Variants in DPY19L1 observed in about 807,000 individuals in gnomAD.
The protein encoded by DPY19L1 is protein C-mannosyl-transferase DPY19L1.
Under a neutral mutation model 96.9 loss-of-function variants are expected in DPY19L1, and 35 were observed. That is an observed-to-expected ratio of 0.36 (90% confidence interval 0.28 to 0.48). The LOEUF is 0.48. Among genes scored for constraint, DPY19L1 ranks in the 20% least tolerant of loss-of-function variants. DPY19L1 has a pLI of 0.99. For synonymous variants in DPY19L1, 205 were observed against 252.6 expected, an observed-to-expected ratio of 0.81 and a Z score of 1.79; for missense variants, 521 against 777.9, an observed-to-expected ratio of 0.67 and a Z score of 3.93.
chr7:35,003,487 A>C (rs1263626533), intron 6 of DPY19L1, among the ~76,000 whole-genome samples: 1 of 152,198 alleles, frequency 6.6e-6, no homozygotes, highest in Non-Finnish European at 1.5e-5. Context: ...GCATCAGTTA[A>C]AGACACTTAT....
chr7:34,953,897 C>T (rs1443264323), intron 13 of DPY19L1, among the ~76,000 whole-genome samples: 1 of 152,014 alleles, frequency 6.6e-6, no homozygotes, highest in Admixed American at 6.5e-5. Context: ...AAAAGAGAGG[C>T]TAGGAGACAG....
intron 15 of DPY19L1, among the ~76,000 whole-genome samples, chr7:34,946,542 G>C (rs563389517): frequency 3.9e-4 from 59 of 152,250 alleles, no homozygotes; most frequent in Middle Eastern, 3.4e-3. Context: ...GTTCTGGATG[G>C]CCAATGCTTA....
chr7:34,984,164 C>T lies in DPY19L1; in HGVS notation c.822+5720G>A, dbSNP rs1261295520. Among the ~76,000 whole-genome samples the T allele has an allele frequency of 1.3e-5, 2 of 152,048 alleles. 1 individual carries two copies. The highest frequency in any genetic ancestry group is 6.3e-3 in the Middle Eastern group (2 of 316). On this transcript the variant is annotated intron_variant, in intron 7 of 21. Transcript: ENST00000638088. ...AGACAAAAACTAAGGGACTTATTGG[C>T]AGATCTTTATCACAATGCTAAATAA...
chr7:34,944,381 A>G (rs1584205130), intron 16 of DPY19L1, among the ~76,000 whole-genome samples: 2 of 150,752 alleles, frequency 1.3e-5, no homozygotes, highest in Admixed American at 6.6e-5. Context: ...AAAAAAAAAA[A>G]AAAGAAAAAT....
In DPY19L1 at chr7:34,969,515, C is replaced by T. The variant is rs1784681255; in HGVS notation, c.932G>A (p.Arg311Lys). The change falls in exon 9 of 22, where the codon AGA (arginine) becomes AAA (lysine). Residue 311 changes from arginine (R) to lysine (K), a missense_variant. Physicochemically the swap from Arg to Lys is conservative, Grantham distance 26. Transcript: ENST00000638088. Reference protein sequence around the residue: ...THILRATKLYRGSLIALCISN... With the variant: ...THILRATKLYKGSLIALCISN... ...AATGCAGAGTGCAATCAAGCTTCCT[C>T]TATAAAGTTTTGTAGCCCTTGAAAA... 6.4e-7 allele frequency: 1 copy of T among 1,561,996 alleles called. No homozygotes were observed. The highest frequency in any genetic ancestry group is 8.6e-7 in the Non-Finnish European group (1 of 1,157,512).
At chr7:35,023,409 A>G (rs977844780) in intron 1 of DPY19L1, among the ~76,000 whole-genome samples, 7 of 152,134 alleles carry the variant, frequency 4.6e-5, no homozygotes, top group Non-Finnish European at 7.4e-5. Context: ...GGGCTTCTCC[A>G]TGTGCCTCTC....
intron 6 of DPY19L1, among the ~76,000 whole-genome samples, chr7:34,993,109 T>A (rs1785208658): frequency 6.6e-6 from 1 of 152,232 alleles, no homozygotes; most frequent in South Asian, 2.1e-4. Context: ...TCTGATCTAA[T>A]TTGCGGCGTA....
At chr7:35,015,965 C>G (rs1326411658) in intron 3 of DPY19L1, among the ~76,000 whole-genome samples, 1 of 152,040 alleles carries the variant, frequency 6.6e-6, no homozygotes, top group Non-Finnish European at 1.5e-5. Context: ...TAATTTGAAA[C>G]CAAGATTCTC....
chr7:35,023,947 T>C (rs1185035163), intron 1 of DPY19L1, among the ~76,000 whole-genome samples: 1 of 149,776 alleles, frequency 6.7e-6, no homozygotes, highest in Middle Eastern at 3.2e-3. Flanking sequence ...GCCATTCTCC[T>C]GCCTCAGCCT....
intron 1 of DPY19L1, 142 bp from the exon 2 acceptor site, chr7:35,018,738 G>A (rs1785920320): frequency 1.5e-5 from 10 of 674,062 alleles, no homozygotes; most frequent in Admixed American, 9.2e-5. Context: ...CCAGGGCTAC[G>A]TTTAAAATTG....
In DPY19L1 at chr7:34,929,489, C is replaced by T. The variant is rs997404754; in HGVS notation, c.*2084G>A. ...AGCAGTTATAATAGTATTTTTAATG[C>T]TTTTTTCCTATACAGAATTTCTACT... On this transcript the variant is annotated 3_prime_UTR_variant, in exon 22 of 22. Transcript: ENST00000638088. 2 of 152,162 alleles carry T rather than the reference C, an allele frequency of 1.3e-5. No homozygotes were observed. The highest frequency in any genetic ancestry group is 2.9e-5 in the Non-Finnish European group (2 of 68,034). 9.4% of individuals were successfully genotyped at this position (152,162 alleles called of 1,614,324 possible).
At chr7:35,015,406 C>T (rs564134076) in intron 3 of DPY19L1, among the ~76,000 whole-genome samples, 4 of 152,218 alleles carry the variant, frequency 2.6e-5, no homozygotes, top group South Asian at 2.1e-4. Context: ...ACACAGGATG[C>T]GGTGAAGAAG....
intron 4 of DPY19L1, 85 bp from the exon 5 acceptor site, chr7:35,011,535 T>TACC: frequency 7.6e-7 from 1 of 1,311,144 alleles, no homozygotes; most frequent in East Asian, 2.5e-5. Context: ...CTTTGACAAT[T>TACC]ACCATATTTT....
chr7:35,026,911 G>A (rs909168928), intron 1 of DPY19L1, among the ~76,000 whole-genome samples: 1 of 152,038 alleles, frequency 6.6e-6, no homozygotes. Context: ...AAAAGTGAGG[G>A]GTTGGCCAGG....
intron 8 of DPY19L1, among the ~76,000 whole-genome samples, chr7:34,969,962 A>G (rs1313266459): frequency 1.3e-5 from 2 of 152,184 alleles, no homozygotes; most frequent in Non-Finnish European, 2.9e-5. Flanking sequence ...GCTGAGAGAG[A>G]TTTTGTAAGC....
At chr7:34,965,224 G>A (rs1265481833) in intron 10 of DPY19L1, among the ~76,000 whole-genome samples, 2 of 152,082 alleles carry the variant, frequency 1.3e-5, no homozygotes, top group Non-Finnish European at 2.9e-5. Context: ...ATAAGAAGCT[G>A]GGGGGAGAGG....
At chr7:35,033,827 GACA>G (rs2128684604) in intron 1 of DPY19L1, among the ~76,000 whole-genome samples, 1 of 152,130 alleles carries the variant, frequency 6.6e-6, no homozygotes, top group East Asian at 1.9e-4. Flanking sequence ...GGTCCCAAAT[GACA>G]CAATTTTGCC....
intron 21 of DPY19L1, among the ~76,000 whole-genome samples, chr7:34,936,887 T>C (rs1017398460): frequency 7.2e-5 from 11 of 152,228 alleles, no homozygotes; most frequent in African/African-American, 1.9e-4. Flanking sequence ...ATATGTGTCA[T>C]TGAAATATAT....
At chr7:34,967,271 A>G (rs1784631493) in intron 9 of DPY19L1, among the ~76,000 whole-genome samples, 1 of 152,208 alleles carries the variant, frequency 6.6e-6, no homozygotes, top group Non-Finnish European at 1.5e-5. Context: ...GTACAATTAA[A>G]AAGTGCCTTG....
Sources: gnomAD v4.1 joint callset for allele counts (sites outside exome capture counted in the v4.1 genomes callset) on GRCh38, gnomAD v4.1.1 for gene constraint, MANE v1.5 for transcripts, NCBI Gene and HGNC (gene_info 2026-07-23, HGNC 2026-07-21) for gene names.